PALM2AKAP2: variants seen among roughly 807,000 people sequenced by gnomAD.
PALM2AKAP2 encodes the protein PALM2 and AKAP2 fusion, also known as PALM2-AKAP2 fusion protein.
A neutral mutation model predicts 71.5 loss-of-function variants in PALM2AKAP2; 37 were observed. The observed-to-expected ratio is 0.52, with a 90% CI of 0.40 to 0.68. The LOEUF (loss-of-function observed/expected upper bound fraction) is 0.68. Among genes scored for constraint, PALM2AKAP2 ranks in the 30% least tolerant of loss-of-function variants. The pLI, the probability that PALM2AKAP2 is intolerant of heterozygous loss-of-function variation, is 0.00. For missense variants in PALM2AKAP2, 1,224 were observed against 1,191.8 expected, an observed-to-expected ratio of 1.03 and a Z score of -0.40; for synonymous variants, 468 against 478.8, an observed-to-expected ratio of 0.98 and a Z score of 0.29.
rs183290933 is a variant in PALM2AKAP2, at chr9:110,142,181, C to T, written c.2569+3642C>T. ...CCACCTCCCAGGTTCAAGTGATTCT[C>T]CTGCCTCAGCCTCCTGAATAGCTGG... On this transcript the variant is annotated intron_variant, in intron 2 of 3. Coordinates refer to ENST00000374525, the Ensembl canonical transcript of PALM2AKAP2. 2.6e-3 allele frequency among the ~76,000 whole-genome samples: 392 copies of T among 151,170 alleles called. 1 individual carries two copies. Among genetic ancestry groups the T allele is most frequent in the African/African-American group, 8.9e-3 (367 of 41,090 alleles).
intron 1 of PALM2AKAP2, among the ~76,000 whole-genome samples, chr9:110,068,848 A>G (rs1015733768): frequency 1.3e-5 from 2 of 152,186 alleles, no homozygotes; most frequent in Admixed American, 1.3e-4. Flanking sequence ...CTTTCTTAAA[A>G]GAGAACTTCT....
At chr9:109,721,704 C>T (rs185141125) in intron 1 of PALM2AKAP2, among the ~76,000 whole-genome samples, 2 of 152,158 alleles carry the variant, frequency 1.3e-5, no homozygotes, top group African/African-American at 4.8e-5. Flanking sequence ...CCCCCACACC[C>T]GCTTCTTTCT....
chr9:109,753,548 T>G (rs923759539), intron 1 of PALM2AKAP2, among the ~76,000 whole-genome samples: 2 of 152,184 alleles, frequency 1.3e-5, no homozygotes, highest in Non-Finnish European at 2.9e-5. Context: ...TGTTTGCAGT[T>G]GATGATCTGC....
chr9:109,701,696 T>A (rs1172921321), intron 1 of PALM2AKAP2, among the ~76,000 whole-genome samples: 3 of 152,234 alleles, frequency 2.0e-5, no homozygotes, highest in African/African-American at 7.2e-5. Context: ...AAGGACTTCA[T>A]GTCTAAAACA....
At position 110,133,866 on chromosome 9, in the gene PALM2AKAP2, G is replaced by A. The variant is rs75370999; in HGVS notation, c.157-2261G>A. Among the ~76,000 whole-genome samples the A allele has an allele frequency of 3.4e-3, 518 of 152,258 alleles. 15 individuals are homozygous for A. The East Asian group carries it at 0.042, about 12-fold the overall frequency. ...TTTTCCATGGAGTGGGCTAATTTTG[G>A]CCTAGGTTTACTTGAAATTGAATGG... is the stretch of plus-strand genomic sequence containing the variant. On this transcript the variant is annotated intron_variant, in intron 1 of 3. Transcript: ENST00000374525.
chr9:110,153,681 G>A (rs780135825), intron 2 of PALM2AKAP2, among the ~76,000 whole-genome samples: 6 of 152,214 alleles, frequency 3.9e-5, no homozygotes, highest in Non-Finnish European at 7.3e-5. Context: ...CTGGGATCTG[G>A]CAATGATCAG....
chr9:109,867,481 T>C lies in PALM2AKAP2; in HGVS notation c.46-10T>C. ...CCCACTCTTACAGCCTCTGTCTCTTTATTTTCAAGGAAAAAAGAAAGAGGC... is the reference window on the plus strand; with the variant it reads ...CCCACTCTTACAGCCTCTGTCTCTTCATTTTCAAGGAAAAAAGAAAGAGGC... On this transcript the variant is annotated splice_polypyrimidine_tract_variant and intron_variant, in intron 1 of 9. Transcript: ENST00000302798. 1 of 1,610,830 alleles carries C rather than the reference T, an allele frequency of 6.2e-7. No homozygotes were observed. The highest frequency in any genetic ancestry group is 1.1e-5 in the South Asian group (1 of 90,886).
At chr9:109,978,053 G>A (rs972402234) in intron 6 of PALM2AKAP2, among the ~76,000 whole-genome samples, 2 of 152,130 alleles carry the variant, frequency 1.3e-5, no homozygotes, top group African/African-American at 4.8e-5. Context: ...GTGAGTGAAG[G>A]AGCATTTCTA....
intron 1 of PALM2AKAP2, among the ~76,000 whole-genome samples, chr9:109,753,356 A>T (rs923921664): frequency 6.6e-6 from 1 of 152,052 alleles, no homozygotes; most frequent in Non-Finnish European, 1.5e-5. Context: ...TGCTCTAATA[A>T]TGGGGGACGG....
chr9:110,015,347 T>A (rs1424830932), intron 6 of PALM2AKAP2, among the ~76,000 whole-genome samples: 1 of 152,130 alleles, frequency 6.6e-6, no homozygotes, highest in African/African-American at 2.4e-5. Flanking sequence ...ACACCTGTAA[T>A]CCCAACACTG....
chr9:110,046,632 C>G (rs1484320698), upstream of PALM2AKAP2, among the ~76,000 whole-genome samples: 2 of 152,022 alleles, frequency 1.3e-5, no homozygotes, highest in Admixed American at 6.6e-5. Flanking sequence ...CCACGCTTGG[C>G]TAATTTTGTA....
chr9:109,916,889 C>G (rs1226355585), intron 3 of PALM2AKAP2, among the ~76,000 whole-genome samples: 1 of 152,138 alleles, frequency 6.6e-6, no homozygotes, highest in Admixed American at 6.5e-5. Flanking sequence ...GCATCATATC[C>G]CTTGCAGTAG....
chr9:110,168,508 A>C (rs1391966291), exon 4 of PALM2AKAP2: 1 of 1,613,792 alleles, frequency 6.2e-7, no homozygotes, highest in Admixed American at 1.7e-5. Context: ...ACTTCCTTCA[A>C]CCCAGGAAGC....
At chr9:109,731,517 G>A (rs1298844543) in intron 1 of PALM2AKAP2, among the ~76,000 whole-genome samples, 1 of 152,140 alleles carries the variant, frequency 6.6e-6, no homozygotes, top group East Asian at 1.9e-4. Flanking sequence ...TTAAACTGGA[G>A]TGAAATTGTA....
intron 1 of PALM2AKAP2, among the ~76,000 whole-genome samples, chr9:110,054,385 G>A (rs1833786960): frequency 6.6e-6 from 1 of 151,416 alleles, no homozygotes; most frequent in East Asian, 1.9e-4. Flanking sequence ...GGCAACAAGA[G>A]TGAAACTCTG....
intron 3 of PALM2AKAP2, among the ~76,000 whole-genome samples, chr9:109,893,646 C>T (rs896771233): frequency 2.0e-5 from 3 of 152,146 alleles, no homozygotes; most frequent in African/African-American, 4.8e-5. Flanking sequence ...TGGGGTTTCA[C>T]CGTGTTGGCC....
At chr9:110,049,334 C>T (rs1833663784) in intron 1 of PALM2AKAP2, among the ~76,000 whole-genome samples, 1 of 152,144 alleles carries the variant, frequency 6.6e-6, no homozygotes. Flanking sequence ...GGGGCATTTT[C>T]GCAAGTCCTG....
chr9:110,001,756 A>G (rs956267180), intron 6 of PALM2AKAP2, among the ~76,000 whole-genome samples: 2 of 152,106 alleles, frequency 1.3e-5, no homozygotes, highest in African/African-American at 4.8e-5. Context: ...ATTCCTAAGC[A>G]TTTTATTCTC....
intron 7 of PALM2AKAP2, among the ~76,000 whole-genome samples, chr9:110,035,338 ATAT>A (rs1369514785): frequency 2.1e-5 from 3 of 143,994 alleles, no homozygotes; most frequent in Admixed American, 7.2e-5. Context: ...TGTATAATAC[ATAT>A]TATATATATT....
Sources: allele counts gnomAD v4.1 joint callset (sites outside exome capture counted in the v4.1 genomes callset), GRCh38; gene constraint gnomAD v4.1.1; transcripts MANE v1.5; gene names NCBI Gene and HGNC (gene_info 2026-07-23, HGNC 2026-07-21).